The following GPHN variants were observed in gnomAD, a reference collection of about 807,000 sequenced individuals.
GPHN encodes the protein gephyrin.
In GPHN, 17 loss-of-function variants were observed where a neutral mutation model predicts 95.5. The ratio of observed to expected loss-of-function variants is 0.18; its 90% confidence interval spans 0.12 to 0.27. The LOEUF (loss-of-function observed/expected upper bound fraction) is 0.27. GPHN is among the 10% of genes least tolerant of loss of function. The pLI is 1.00. For synonymous variants in GPHN, 320 were observed against 322.5 expected, an observed-to-expected ratio of 0.99 and a Z score of 0.08; for missense variants, 660 against 978.1, an observed-to-expected ratio of 0.67 and a Z score of 4.34.
chr14:67,573,472 T>C, the GPHN span: 2 of 946,332 alleles, frequency 2.1e-6, no homozygotes, highest in East Asian at 2.5e-5. This position sits in a 1 kb window ranked among gnomAD's most constrained non-coding sequence, Gnocchi z 4.8. Flanking sequence ...GGAGGGGGAA[T>C]GTGGCCCAAG....
intron 1 of GPHN, among the ~76,000 whole-genome samples, chr14:66,601,405 A>G (rs2062235587): frequency 6.6e-6 from 1 of 151,984 alleles, no homozygotes; most frequent in African/African-American, 2.4e-5. Flanking sequence ...GAGATGAACT[A>G]TTTCAGAAGG....
the GPHN span, among the ~76,000 whole-genome samples, chr14:67,435,583 G>A: frequency 2.6e-5 from 4 of 152,274 alleles, no homozygotes; most frequent in African/African-American, 9.6e-5. Flanking sequence ...AACTCATTAT[G>A]GTCATACAAG....
At chr14:66,591,023 A>G (rs145138830) in intron 1 of GPHN, among the ~76,000 whole-genome samples, 144 of 152,304 alleles carry the variant, frequency 9.5e-4, no homozygotes, top group African/African-American at 3.3e-3. Flanking sequence ...AATAAACACA[A>G]TCCATTATGT....
intron 1 of GPHN, among the ~76,000 whole-genome samples, chr14:66,606,578 T>C (rs1259009191): frequency 6.6e-6 from 1 of 152,212 alleles, no homozygotes; most frequent in East Asian, 1.9e-4. Context: ...TATGGCCATT[T>C]TAACAATATT....
At chr14:66,979,087 T>C (rs2070470712) in intron 9 of GPHN, among the ~76,000 whole-genome samples, 1 of 152,256 alleles carries the variant, frequency 6.6e-6, no homozygotes, top group South Asian at 2.1e-4. Flanking sequence ...CTAGGCTTTC[T>C]TGTTCCATTT....
At chr14:67,585,041 C>T in the GPHN span, 1 of 152,788 alleles carries the variant, frequency 6.5e-6, no homozygotes, top group South Asian at 2.1e-4. Context: ...TTAGTCATTA[C>T]AGGAATGTCC....
At chr14:67,528,609 T>C in the GPHN span, among the ~76,000 whole-genome samples, 6 of 152,182 alleles carry the variant, frequency 3.9e-5, no homozygotes, top group Non-Finnish European at 7.4e-5. Flanking sequence ...CTGATCCTCA[T>C]TCCCTGAGCT....
chr14:66,754,779 A>C (rs1353397974), intron 2 of GPHN, among the ~76,000 whole-genome samples: 1 of 152,002 alleles, frequency 6.6e-6, no homozygotes, highest in South Asian at 2.1e-4. Context: ...GACTTCAGAG[A>C]AGTTGTCATT....
chr14:67,704,795 C>T, the GPHN span, among the ~76,000 whole-genome samples: 1 of 152,208 alleles, frequency 6.6e-6, no homozygotes, highest in African/African-American at 2.4e-5. Flanking sequence ...CAGCAGCTCT[C>T]GTTCTGAGAC....
intron 5 of GPHN, among the ~76,000 whole-genome samples, chr14:66,903,697 G>A (rs971893898): frequency 6.6e-6 from 1 of 151,966 alleles, no homozygotes; most frequent in Non-Finnish European, 1.5e-5. Flanking sequence ...TTTGTTTTCT[G>A]GTTGTTTTAT....
chr14:67,571,897 A>G, the GPHN span: 108 of 1,606,756 alleles, frequency 6.7e-5, no homozygotes, highest in Non-Finnish European at 8.8e-5. Flanking sequence ...CGGGCCATCA[A>G]GAGAGGTACA....
chr14:67,610,782 C>G, the GPHN span, among the ~76,000 whole-genome samples: 2 of 152,152 alleles, frequency 1.3e-5, no homozygotes, highest in African/African-American at 4.8e-5. Flanking sequence ...TTCCCCAGCT[C>G]CCTGCCTACC....
intron 1 of GPHN, among the ~76,000 whole-genome samples, chr14:66,645,283 A>G (rs1156785513): frequency 6.6e-6 from 1 of 152,210 alleles, no homozygotes; most frequent in Non-Finnish European, 1.5e-5. Flanking sequence ...AAGAATGGAA[A>G]TAATCTAACA....
chr14:67,724,631 C>A, the GPHN span: 1 of 1,429,146 alleles, frequency 7.0e-7, no homozygotes, highest in Non-Finnish European at 9.9e-7. Context: ...GCCATGCCTC[C>A]CACCCTTCTT....
At chr14:67,695,697 C>T in the GPHN span, 2 of 1,614,164 alleles carry the variant, frequency 1.2e-6, no homozygotes, top group Non-Finnish European at 8.5e-7. Flanking sequence ...AACATGAGCT[C>T]AACCATCTCT....
At chr14:67,476,822 C>T in the GPHN span, among the ~76,000 whole-genome samples, 1 of 152,016 alleles carries the variant, frequency 6.6e-6, no homozygotes, top group East Asian at 1.9e-4. Context: ...TGTCTCTCCC[C>T]TGCTCAAAAA....
chr14:67,200,102 C>T, the GPHN span: 8 of 1,032,176 alleles, frequency 7.8e-6, no homozygotes, highest in Non-Finnish European at 1.2e-5. Flanking sequence ...GGACCTCCTC[C>T]AATGGGCATG....
intron 1 of GPHN, among the ~76,000 whole-genome samples, chr14:66,548,622 A>G (rs1039807290): frequency 6.6e-5 from 10 of 152,216 alleles, no homozygotes; most frequent in African/African-American, 2.4e-4. Context: ...TCCCTGAGAT[A>G]CAAAATATTC....
At chr14:66,915,455 T>C (rs2065856491) in intron 5 of GPHN, among the ~76,000 whole-genome samples, 4 of 152,176 alleles carry the variant, frequency 2.6e-5, no homozygotes, top group Admixed American at 2.6e-4. Context: ...CAATTATCTC[T>C]GAAAGATGTT....
Sources: allele counts gnomAD v4.1 joint callset (sites outside exome capture counted in the v4.1 genomes callset), GRCh38; gene constraint gnomAD v4.1.1; non-coding constraint Gnocchi (gnomAD v3.1); transcripts MANE v1.5; gene names NCBI Gene and HGNC (gene_info 2026-07-23, HGNC 2026-07-21).